The following INIP variants were observed in gnomAD, a reference collection of about 807,000 sequenced individuals.
INIP encodes the protein INTS3 and NABP interacting protein.
In INIP, 9 loss-of-function variants were observed where a neutral mutation model predicts 14.0. That is an observed-to-expected ratio of 0.64 (90% confidence interval 0.39 to 1.12). INIP has a LOEUF of 1.12. INIP is among the 50% of genes most tolerant of loss of function. The pLI, the probability that INIP is intolerant of heterozygous loss-of-function variation, is 0.01. For missense variants in INIP, 78 were observed against 122.7 expected, an observed-to-expected ratio of 0.64 and a Z score of 1.72; for synonymous variants, 37 against 41.5, an observed-to-expected ratio of 0.89 and a Z score of 0.41.
chr9:112,693,028 C>CAAAA (rs1223728146), intron 3 of INIP, among the ~76,000 whole-genome samples: 9,644 of 84,748 alleles, frequency 0.11, 420 homozygotes, highest in African/African-American at 0.13. Context: ...GACCCTGTCT[C>CAAAA]AAAAAAAAAA....
chr9:112,692,066 A>G (rs1459561789), intron 3 of INIP, among the ~76,000 whole-genome samples: 1 of 152,114 alleles, frequency 6.6e-6, no homozygotes, highest in Non-Finnish European at 1.5e-5. Flanking sequence ...GTCAAATAAC[A>G]CTAAGATGTC....
chr9:112,714,437 A>T (rs887686076), intron 2 of INIP, among the ~76,000 whole-genome samples: 1 of 152,200 alleles, frequency 6.6e-6, no homozygotes, highest in Non-Finnish European at 1.5e-5. Context: ...TAGAGAGTAA[A>T]TTTTACTTTT....
At chr9:112,699,528 GTAT>G (rs903023189) in intron 2 of INIP, among the ~76,000 whole-genome samples, 2 of 152,008 alleles carry the variant, frequency 1.3e-5, no homozygotes, top group African/African-American at 2.4e-5. Flanking sequence ...ATTGTTAATT[GTAT>G]TATTATTGTT....
At chr9:112,687,728 A>C (rs944028635) in intron 4 of INIP, 95 bp from the exon 5 acceptor site, 1 of 589,760 alleles carries the variant, frequency 1.7e-6, no homozygotes, top group South Asian at 3.0e-5. Flanking sequence ...TGAATGCTTG[A>C]GACCAAATTT....
Position 112,687,651 on chromosome 9 carries a change from C to A in INIP, c.220-18G>T, listed in dbSNP as rs1419582928. On this transcript the variant is annotated intron_variant, in intron 4 of 4. Transcript: ENST00000374242. ...TGAGCATGCTGGGAAAGATTAAAAA[C>A]AAAAAGGCAATTAAGCTATTAAATA... is the stretch of plus-strand genomic sequence containing the variant. 9 of 1,414,026 alleles carry A rather than the reference C, an allele frequency of 6.4e-6. No individual in the cohort carries two copies. Among genetic ancestry groups the A allele is most frequent in the African/African-American group, 4.2e-5 (3 of 71,086 alleles). 87.6% of individuals were successfully genotyped at this position (1,414,026 alleles called of 1,614,324 possible). A position where few individuals can be genotyped will look rare whatever the true frequency, so the allele number is the denominator to read the frequency against.
chr9:112,692,883 A>G (rs759595850), intron 3 of INIP, among the ~76,000 whole-genome samples: 2 of 150,152 alleles, frequency 1.3e-5, no homozygotes, highest in Non-Finnish European at 3.0e-5. Context: ...CTACTAAAAA[A>G]CAAAAAAATT....
chr9:112,705,940 G>A (rs1588084600), intron 2 of INIP, among the ~76,000 whole-genome samples: 1 of 152,162 alleles, frequency 6.6e-6, no homozygotes, highest in Non-Finnish European at 1.5e-5. Flanking sequence ...AGAAAAGGAC[G>A]AGGCAGAGAT....
rs1235434130 is a variant in INIP at position 112,687,469 on chromosome 9, G to A, written c.*69C>T. On this transcript the variant is annotated 3_prime_UTR_variant, in exon 5 of 5. Coordinates refer to ENST00000374242, the MANE Select transcript of INIP (RefSeq NM_021218.3). ...CAAAATTCTTAAAGTCACAGTTCAT[G>A]TAGCACTGAATGATAGTAGCTTTGG... 1.0e-6 allele frequency: 1 copy of A among 955,558 alleles called. No homozygotes were observed. The highest frequency in any genetic ancestry group is 1.8e-5 in the Admixed American group (1 of 56,870). The allele number at this position is 955,558 out of a possible 1,614,324, so 59.2% of individuals were successfully genotyped here.
At chr9:112,692,274 A>G (rs1182977172) in intron 3 of INIP, among the ~76,000 whole-genome samples, 2 of 152,118 alleles carry the variant, frequency 1.3e-5, no homozygotes, top group Non-Finnish European at 2.9e-5. Flanking sequence ...TGGTGGCTGA[A>G]GGGGATAATG....
chr9:112,695,217 CAAAA>C (rs1838034513), intron 2 of INIP, among the ~76,000 whole-genome samples: 2 of 17,134 alleles, frequency 1.2e-4, no homozygotes, highest in Admixed American at 5.4e-4. Context: ...TTTAGAAAAA[CAAAA>C]AGAAAGATTA....
chr9:112,700,279 T>C lies in INIP; in HGVS notation c.26-6046A>G, dbSNP rs761579160. 2.0e-5 allele frequency among the ~76,000 whole-genome samples: 3 copies of C among 152,230 alleles called. No individual in the cohort carries two copies. In the South Asian group the frequency reaches 6.2e-4, roughly 32 times the overall value. On this transcript the variant is annotated intron_variant, in intron 2 of 4. Coordinates refer to ENST00000374242, the MANE Select transcript of INIP (RefSeq NM_021218.3). ...AAGGAATGGAGTGCACTGTTGAAAC[T>C]GTGAACTATCTCAAACTACTTCATG...
At chr9:112,713,457 C>A (rs530736347) in intron 2 of INIP, among the ~76,000 whole-genome samples, 1 of 152,266 alleles carries the variant, frequency 6.6e-6, no homozygotes, top group South Asian at 2.1e-4. Context: ...TTTTGGGAGG[C>A]CGAGGTGGGA....
intron 2 of INIP, among the ~76,000 whole-genome samples, chr9:112,710,218 A>G (rs1331538976): frequency 1.3e-5 from 2 of 152,232 alleles, no homozygotes. Flanking sequence ...ACTCCTATGC[A>G]GCATGCTGAA....
intron 2 of INIP, among the ~76,000 whole-genome samples, chr9:112,702,173 G>GA (rs1211122684): frequency 1.3e-5 from 2 of 152,144 alleles, no homozygotes; most frequent in Non-Finnish European, 2.9e-5. Flanking sequence ...GGCCACATTG[G>GA]AAAATCCTGA....
At chr9:112,699,400 C>T (rs556098316) in intron 2 of INIP, among the ~76,000 whole-genome samples, 26 of 152,236 alleles carry the variant, frequency 1.7e-4, no homozygotes, top group Non-Finnish European at 2.8e-4. Flanking sequence ...CCCATATTCG[C>T]GGTTTCAGCT....
chr9:112,695,028 C>G (rs1838025729), intron 2 of INIP, among the ~76,000 whole-genome samples: 1 of 152,126 alleles, frequency 6.6e-6, no homozygotes, highest in Non-Finnish European at 1.5e-5. Context: ...TTCTCAGATT[C>G]CTAGCTTCTC....
At position 112,689,602 on chromosome 9, in the gene INIP, T is replaced by C; in HGVS notation, c.144A>G (p.Arg48=). The change falls in exon 4 of 5, where the codon AGA becomes AGG. Residue 48 remains arginine, a synonymous_variant. Coordinates refer to ENST00000374242, the MANE Select transcript of INIP (RefSeq NM_021218.3). ...CCCGGAAGTCCTTATTAAGAGAGGGTCTCGAGAGTGCAATGCTAAAATGGG... is the reference window on the plus strand; with the variant it reads ...CCCGGAAGTCCTTATTAAGAGAGGGCCTCGAGAGTGCAATGCTAAAATGGG... ...NHPGASIALS[R]PSLNKDFRDH... The C allele has an allele frequency of 1.2e-6, 2 of 1,613,998 alleles. No homozygotes were observed. Among genetic ancestry groups the C allele is most frequent in the South Asian group, 2.2e-5 (2 of 91,062 alleles).
rs1838192383 is a variant in INIP at position 112,698,854 on chromosome 9, AGCCTTCTTTC to A, written c.26-4631_26-4622del. Among the ~76,000 whole-genome samples the A allele has an allele frequency of 4.6e-5, 7 of 152,338 alleles. No homozygotes were observed. The South Asian group carries it at 1.4e-3, about 32-fold the overall frequency. On this transcript the variant is annotated intron_variant, in intron 2 of 4. Transcript: ENST00000374242. ...AACACCACAGTGACTCTCATATAAT[AGCCTTCTTTC>A]CCTCCAGATACAGACGTAGAGAAGG...
rs115309730 is a variant in INIP at position 112,705,404 on chromosome 9, G to A, written c.25+11057C>T. 7.0e-3 allele frequency among the ~76,000 whole-genome samples: 1,068 copies of A among 152,082 alleles called. 19 individuals are homozygous for A. Among genetic ancestry groups the A allele is most frequent in the African/African-American group, 0.024 (1,016 of 41,478 alleles). ...GGCTCACTGTAGCCTTGACATCCCC[G>A]GCTCAAGGCATCCTCCTGCTTCAGC... On this transcript the variant is annotated intron_variant, in intron 2 of 4. Transcript: ENST00000374242.
Sources: allele counts gnomAD v4.1 joint callset (sites outside exome capture counted in the v4.1 genomes callset), GRCh38; gene constraint gnomAD v4.1.1; transcripts MANE v1.5; gene names NCBI Gene and HGNC (gene_info 2026-07-23, HGNC 2026-07-21).